Variants in KIF13A observed in about 807,000 individuals in gnomAD.
KIF13A encodes the protein kinesin-like protein KIF13A.
KIF13A carries 79 observed loss-of-function variants against 212.2 expected under a neutral mutation model. That is an observed-to-expected ratio of 0.37 (90% CI 0.31 to 0.45). The LOEUF is 0.45. Among genes scored for constraint, KIF13A ranks in the 20% least tolerant of loss-of-function variants. The probability of loss-of-function intolerance (pLI) is 1.00; values close to 1 mark genes in which losing one functional copy is unlikely to be tolerated. For missense variants in KIF13A, 1,901 were observed against 2,209.0 expected (o/e 0.86, Z 2.79); for synonymous variants, 789 against 808.6 (o/e 0.98, Z 0.41).
rs749637872 is a variant in KIF13A, at chr6:17,987,126, T to G, written c.74A>C (p.Lys25Thr). ...MNRRELELNT[K>T]CVVEMEGNQT... ...ATTCCCTTCCATCTCCACCACGCAC[T>G]TGGTGTTCAGTTCCAGTTCTGAAAG... is the stretch of plus-strand genomic sequence containing the variant. The change falls in exon 2 of 39, where the codon AAG becomes ACG. Residue 25 changes from lysine to threonine, a missense_variant. By Grantham distance (78) the Lys-to-Thr change is moderately conservative. Around this residue, in one of 5 missense-constraint regions of KIF13A, gnomAD observed 506 missense variants for 637.4 expected, o/e 0.79. Transcript: ENST00000259711. This position sits in a 1 kb window ranked among gnomAD's most constrained non-coding sequence, Gnocchi z 7.7. The G allele has an allele frequency of 1.2e-5, 20 of 1,612,890 alleles. No individual in the cohort carries two copies. The highest frequency in any genetic ancestry group is 1.4e-5 in the Non-Finnish European group (17 of 1,179,160).
In KIF13A at chr6:17,804,401, T is replaced by G. The variant is rs1233687923; in HGVS notation, c.2414A>C (p.Lys805Thr). 1.3e-6 allele frequency: 2 copies of G among 1,554,736 alleles called. No individual in the cohort carries two copies. The highest frequency in any genetic ancestry group is 1.7e-6 in the Non-Finnish European group (2 of 1,148,488). ...GATGATAGGGACTGCATACTGAAGT[T>G]TCACATCACAGAAGAGGCATTCCAA... Reference protein sequence around the residue: ...VFLECLFCDVKLQYAVPIISQ... With the variant: ...VFLECLFCDVTLQYAVPIISQ... Residue 805 changes from lysine (K) to threonine (T), a missense_variant, in exon 20 of 39, where the codon AAA becomes ACA. Around this residue, in one of 5 missense-constraint regions of KIF13A, gnomAD observed 534 missense variants for 536.9 expected, o/e 0.99. Transcript: ENST00000259711.
At chr6:17,813,721 T>G (rs926459629) in intron 17 of KIF13A, among the ~76,000 whole-genome samples, 1 of 152,116 alleles carries the variant, frequency 6.6e-6, no homozygotes, top group African/African-American at 2.4e-5. Context: ...TAGTGAGAGC[T>G]GCAGTGTGTG....
At chr6:17,814,180 T>C (rs1763704952) in intron 17 of KIF13A, among the ~76,000 whole-genome samples, 1 of 151,190 alleles carries the variant, frequency 6.6e-6, no homozygotes, top group Non-Finnish European at 1.5e-5. Context: ...CTTGATCTCC[T>C]GACCTCGTGA....
chr6:17,761,992 C>T (rs1014158523), downstream of KIF13A, among the ~76,000 whole-genome samples: 2 of 152,090 alleles, frequency 1.3e-5, no homozygotes, highest in African/African-American at 4.8e-5. Context: ...ATTTCCCCTG[C>T]TGCACACTGT....
In KIF13A at chr6:17,837,607, A is replaced by C. The variant is rs760667626; in HGVS notation, c.831-24T>G. On this transcript the variant is annotated intron_variant, in intron 9 of 38. Transcript: ENST00000259711. The surrounding 1 kb of genome is among the most constrained non-coding windows in gnomAD (Gnocchi z 5.4). ...ATCTGTCAAGAAAAAATGAAAAATT[A>C]GTTTTATGGAATGTTTATTTGGTTT... 7 of 1,421,512 alleles carry C rather than the reference A, an allele frequency of 4.9e-6. No individual in the cohort carries two copies. The highest frequency in any genetic ancestry group is 6.8e-6 in the Non-Finnish European group (7 of 1,023,486). The allele number at this position is 1,421,512 out of a possible 1,614,324, so 88.1% of individuals were successfully genotyped here.
chr6:17,849,611 GT>G lies in KIF13A; in HGVS notation c.718-123del. 1 of 592,274 alleles carries G rather than the reference GT, an allele frequency of 1.7e-6. No individual in the cohort carries two copies. The highest frequency in any genetic ancestry group is 3.5e-5 in the Admixed American group (1 of 28,658). The allele number at this position is 592,274 out of a possible 1,614,324, so 36.7% of individuals were successfully genotyped here. A position where few individuals can be genotyped will look rare whatever the true frequency, so the allele number is the denominator to read the frequency against. On this transcript the variant is annotated intron_variant, in intron 8 of 38. Coordinates refer to ENST00000259711, the MANE Select transcript of KIF13A (RefSeq NM_022113.6). The surrounding 1 kb of genome is among the most constrained non-coding windows in gnomAD (Gnocchi z 5.7). ...CACTCTCATATGGCAAATTTCTTAA[GT>G]TTTTAAACGGTCAGAAGAGTTATTT...
intron 2 of KIF13A, among the ~76,000 whole-genome samples, chr6:17,923,810 T>C (rs113507693): frequency 6.6e-6 from 1 of 152,202 alleles, no homozygotes; most frequent in Non-Finnish European, 1.5e-5. Context: ...AAGAATATAC[T>C]AGACATCTTC....
chr6:17,898,244 C>T lies in KIF13A; in HGVS notation c.147-64G>A, dbSNP rs916245328. Reference sequence around the variant, plus strand: ...CAGAGGGTTGTCAACACAGCAGCCACATCAGAGGGAAACAATGAAAGAGAA... The same window carrying T: ...CAGAGGGTTGTCAACACAGCAGCCATATCAGAGGGAAACAATGAAAGAGAA... On this transcript the variant is annotated intron_variant, in intron 2 of 38. Coordinates refer to ENST00000259711, the MANE Select transcript of KIF13A (RefSeq NM_022113.6). This position sits in a 1 kb window ranked among gnomAD's most constrained non-coding sequence, Gnocchi z 5.2. 2.0e-6 allele frequency: 3 copies of T among 1,479,406 alleles called. No homozygotes were observed. The highest frequency in any genetic ancestry group is 4.5e-5 in the East Asian group (2 of 44,062). 91.6% of individuals were successfully genotyped at this position (1,479,406 alleles called of 1,614,324 possible).
chr6:17,773,662 G>GC lies in KIF13A; in HGVS notation c.4219-80_4219-79insG. On this transcript the variant is annotated intron_variant, in intron 35 of 38. Transcript: ENST00000259711. The surrounding 1 kb of genome is among the most constrained non-coding windows in gnomAD (Gnocchi z 4.2). ...TAAAGCCCAGGTTGGAGTTTCTTCT[G>GC]TTTTTTTTTAATGGCAGCATATGCT... 1.6e-6 allele frequency: 1 copy of GC among 639,850 alleles called. No individual in the cohort carries two copies. The highest frequency in any genetic ancestry group is 2.6e-6 in the Non-Finnish European group (1 of 383,342). 39.6% of individuals were successfully genotyped at this position (639,850 alleles called of 1,614,324 possible).
chr6:17,878,431 CTT>C (rs536813179), intron 3 of KIF13A, among the ~76,000 whole-genome samples: 4 of 139,854 alleles, frequency 2.9e-5, no homozygotes, highest in Non-Finnish European at 4.7e-5. Context: ...CTACCTCTAA[CTT>C]TTTTTTTTTT....
At chr6:17,832,088 G>A (rs1348641709) in intron 12 of KIF13A, among the ~76,000 whole-genome samples, 1 of 152,030 alleles carries the variant, frequency 6.6e-6, no homozygotes, top group East Asian at 1.9e-4. Flanking sequence ...GGGTGTGAAC[G>A]ATATCTATAA....
Position 17,777,256 on chromosome 6 carries a change from T to C in KIF13A, c.4170+21A>G, listed in dbSNP as rs200307783. ...CTGCGACATGTCACATAGGAGCAGA[T>C]CCTTGGCAGGATGCACTTACATTAT... is the stretch of plus-strand genomic sequence containing the variant. On this transcript the variant is annotated intron_variant, in intron 34 of 38. Coordinates refer to ENST00000259711, the MANE Select transcript of KIF13A (RefSeq NM_022113.6). The surrounding 1 kb of genome is among the most constrained non-coding windows in gnomAD (Gnocchi z 4.4). 6.1e-3 allele frequency: 9,773 copies of C among 1,594,138 alleles called. 53 individuals carry two copies. The highest frequency in any genetic ancestry group is 7.4e-3 in the Non-Finnish European group (8,602 of 1,165,450).
At position 17,928,963 on chromosome 6, in the gene KIF13A, C is replaced by T. The variant is rs550434198; in HGVS notation, c.147-30783G>A. On this transcript the variant is annotated intron_variant, in intron 2 of 38. Transcript: ENST00000259711. Reference sequence around the variant, plus strand: ...GTAAGATCATAGACACTATAAATAACCTAAAAGCTAAACACAAGATTACAA... The same window carrying T: ...GTAAGATCATAGACACTATAAATAATCTAAAAGCTAAACACAAGATTACAA... 1.2e-4 allele frequency among the ~76,000 whole-genome samples: 18 copies of T among 149,750 alleles called. 1 individual carries two copies. The South Asian group carries it at 3.8e-3, about 31-fold the overall frequency.
intron 2 of KIF13A, among the ~76,000 whole-genome samples, chr6:17,943,247 C>T (rs1777100270): frequency 6.6e-6 from 1 of 152,054 alleles, no homozygotes; most frequent in Admixed American, 6.6e-5. Flanking sequence ...GAATAAAGAA[C>T]TGGTCACTGA....
At chr6:17,775,255 T>C (rs942645056) in intron 34 of KIF13A, among the ~76,000 whole-genome samples, 193 bp from the exon 35 acceptor site, 5 of 152,208 alleles carry the variant, frequency 3.3e-5, no homozygotes, top group Non-Finnish European at 7.3e-5. Flanking sequence ...TATATAATTG[T>C]ATGTGTATAT....
intron 2 of KIF13A, among the ~76,000 whole-genome samples, chr6:17,972,547 T>A (rs1387959233): frequency 6.6e-6 from 1 of 152,216 alleles, no homozygotes; most frequent in Non-Finnish European, 1.5e-5. Context: ...AAAGGCTTGT[T>A]AATCTGTTCA....
chr6:17,947,883 C>T lies in KIF13A; in HGVS notation c.146+39171G>A, dbSNP rs974350253. Among the ~76,000 whole-genome samples the T allele has an allele frequency of 6.6e-6, 1 of 151,868 alleles. No individual in the cohort carries two copies. The highest frequency in any genetic ancestry group is 2.4e-5 in the African/African-American group (1 of 41,354). On this transcript the variant is annotated intron_variant, in intron 2 of 38. Transcript: ENST00000259711. This position sits in a 1 kb window ranked among gnomAD's most constrained non-coding sequence, Gnocchi z 4.6. ...ACACCAAGTATTAAGGGCTAAAGGG[C>T]TGTATGATGTATTTCACCTACTCTC...
intron 9 of KIF13A, among the ~76,000 whole-genome samples, chr6:17,848,081 G>C (rs1767252833): frequency 6.6e-6 from 1 of 152,152 alleles, no homozygotes; most frequent in South Asian, 2.1e-4. Flanking sequence ...CAAAGTGCTA[G>C]GATTACAGGC....
At position 17,974,077 on chromosome 6, in the gene KIF13A, T is replaced by C. The variant is rs146718821; in HGVS notation, c.146+12977A>G. 1.2e-4 allele frequency among the ~76,000 whole-genome samples: 19 copies of C among 152,314 alleles called. 2 individuals carry two copies. In the East Asian group the frequency reaches 3.5e-3, roughly 28 times the overall value. ...TTAGAGAGTCCTTATGTTAGGAACC[T>C]GGTTTTTTATTTTTATTTTTTTGAG... On this transcript the variant is annotated intron_variant, in intron 2 of 38. Transcript: ENST00000259711.
Sources: allele counts gnomAD v4.1 joint callset (sites outside exome capture counted in the v4.1 genomes callset), GRCh38; gene constraint gnomAD v4.1.1; regional missense constraint gnomAD v4.1.1; non-coding constraint Gnocchi (gnomAD v3.1); transcripts MANE v1.5; gene names NCBI Gene and HGNC (gene_info 2026-07-23, HGNC 2026-07-21).